Variants in NFIB observed in about 807,000 individuals in gnomAD.
NFIB encodes nuclear factor I B.
In NFIB, 11 loss-of-function variants were observed where a neutral mutation model predicts 61.5. The observed-to-expected ratio is 0.18, with a 90% confidence interval of 0.11 to 0.30. The LOEUF (loss-of-function observed/expected upper bound fraction) is 0.30, where lower values mean the gene tolerates loss of function less well. Ranked by LOEUF, NFIB falls within the 10% of genes least tolerant of loss-of-function variation. The probability of loss-of-function intolerance (pLI) is 1.00; values close to 1 mark genes in which losing one functional copy is unlikely to be tolerated. For missense variants in NFIB, 471 were observed against 608.9 expected (o/e 0.77, Z 2.38); for synonymous variants, 260 against 216.5 (o/e 1.20, Z -1.76).
At chr9:14,294,423 C>T (rs2059292173) in intron 2 of NFIB, among the ~76,000 whole-genome samples, 1 of 152,212 alleles carries the variant, frequency 6.6e-6, no homozygotes, top group Non-Finnish European at 1.5e-5. Context: ...GTAAGCAAAG[C>T]TTTTCAAATA....
the NFIB span, among the ~76,000 whole-genome samples, chr9:14,469,707 C>A: frequency 6.6e-6 from 1 of 152,106 alleles, no homozygotes; most frequent in Admixed American, 6.5e-5. Context: ...CATTAAATGA[C>A]AAGAACATAA....
chr9:14,530,799 T>C, the NFIB span, among the ~76,000 whole-genome samples: 3 of 151,870 alleles, frequency 2.0e-5, no homozygotes, highest in African/African-American at 7.3e-5. Context: ...CCCATTGTCT[T>C]CCACTGTACT....
chr9:14,398,339 A>C (rs12002494), intron 1 of NFIB, among the ~76,000 whole-genome samples: 128 of 152,316 alleles, frequency 8.4e-4, no homozygotes, highest in African/African-American at 2.9e-3. Flanking sequence ...ATTTCCAAAT[A>C]ATCCTTATGC....
intron 2 of NFIB, among the ~76,000 whole-genome samples, chr9:14,214,618 T>C (rs772539809): frequency 6.6e-6 from 1 of 152,226 alleles, no homozygotes; most frequent in Non-Finnish European, 1.5e-5. Flanking sequence ...GTATCATGCT[T>C]TTTACATAAC....
intron 1 of NFIB, among the ~76,000 whole-genome samples, chr9:14,370,852 T>G (rs1335088024): frequency 6.6e-6 from 1 of 152,230 alleles, no homozygotes; most frequent in African/African-American, 2.4e-5. Flanking sequence ...TCCAGCAGTT[T>G]GGGAGGCCGA....
rs1470448086 is a variant in NFIB at position 14,386,649 on chromosome 9, C to T, written c.108+11875G>A. Reference sequence around the variant, plus strand: ...CAGTGTTATTATTTCTGCTTTAAGCCAGTGGAATCTCTTTACTATATGCCA... The same window carrying T: ...CAGTGTTATTATTTCTGCTTTAAGCTAGTGGAATCTCTTTACTATATGCCA... On this transcript the variant is annotated intron_variant, in intron 1 of 8. Transcript: ENST00000380934. Among the ~76,000 whole-genome samples, 3 of 152,274 alleles carry T rather than the reference C, an allele frequency of 2.0e-5. No homozygotes were observed. The East Asian group carries it at 5.8e-4, about 29-fold the overall frequency.
chr9:14,294,083 T>G (rs2059270652), intron 2 of NFIB, among the ~76,000 whole-genome samples: 1 of 152,196 alleles, frequency 6.6e-6, no homozygotes, highest in African/African-American at 2.4e-5. Context: ...AAAAGCAGAT[T>G]AATTGTAGGC....
At chr9:14,434,697 G>A in the NFIB span, among the ~76,000 whole-genome samples, 1 of 152,180 alleles carries the variant, frequency 6.6e-6, no homozygotes. Context: ...AAACTGGAGT[G>A]TTCTATGCTA....
At chr9:14,496,516 A>C in the NFIB span, among the ~76,000 whole-genome samples, 1 of 152,214 alleles carries the variant, frequency 6.6e-6, no homozygotes, top group Non-Finnish European at 1.5e-5. Context: ...GGTTGCCTTC[A>C]GCAGAAGTGA....
chr9:14,401,725 C>G (rs1365987844), upstream of NFIB, among the ~76,000 whole-genome samples: 1 of 152,166 alleles, frequency 6.6e-6, no homozygotes, highest in Non-Finnish European at 1.5e-5. Flanking sequence ...GGCCTCCCAC[C>G]AGTGCCCATC....
intron 2 of NFIB, among the ~76,000 whole-genome samples, chr9:14,295,817 A>C (rs1250401652): frequency 1.3e-5 from 2 of 152,182 alleles, no homozygotes; most frequent in African/African-American, 4.8e-5. Context: ...ACTTGATAGG[A>C]CACCCTTTAC....
At chr9:14,259,622 C>G (rs994941771) in intron 2 of NFIB, among the ~76,000 whole-genome samples, 1 of 152,056 alleles carries the variant, frequency 6.6e-6, no homozygotes, top group Non-Finnish European at 1.5e-5. Flanking sequence ...TATTGGTGGC[C>G]GGGCGCAGTG....
At chr9:14,189,543 G>A (rs1452062562) in intron 2 of NFIB, among the ~76,000 whole-genome samples, 3 of 151,514 alleles carry the variant, frequency 2.0e-5, no homozygotes, top group African/African-American at 7.3e-5. Context: ...AAAAGGCTAT[G>A]AGATATATAT....
At chr9:14,183,638 G>GA (rs374573779) in intron 2 of NFIB, among the ~76,000 whole-genome samples, 115 of 151,994 alleles carry the variant, frequency 7.6e-4, no homozygotes, top group African/African-American at 2.7e-3. Flanking sequence ...CTCCTGGCCT[G>GA]AAGCGATCCG....
intron 3 of NFIB, among the ~76,000 whole-genome samples, chr9:14,170,515 G>C (rs900833569): frequency 6.6e-6 from 1 of 152,158 alleles, no homozygotes; most frequent in Non-Finnish European, 1.5e-5. Context: ...GGTGGCACAT[G>C]CCTGTTGTCC....
intron 2 of NFIB, among the ~76,000 whole-genome samples, chr9:14,206,664 C>T (rs2049761563): frequency 8.6e-6 from 1 of 115,984 alleles, no homozygotes; most frequent in African/African-American, 3.5e-5. Flanking sequence ...CTATCATATA[C>T]AGAGTTATGA....
In NFIB at chr9:14,084,043, T is replaced by C. The variant is rs1053175740; in HGVS notation, c.*4266A>G. ...ACTAAATACAACAAAATAACCTTCA[T>C]AAAATATAACTTTTCTCCATTTACA... On this transcript the variant is annotated 3_prime_UTR_variant, in exon 11 of 11. Coordinates refer to ENST00000380953, the MANE Select transcript of NFIB (RefSeq NM_001190737.2). 1.4e-5 allele frequency: 3 copies of C among 211,030 alleles called. No homozygotes were observed. The highest frequency in any genetic ancestry group is 4.5e-5 in the African/African-American group (2 of 44,042). The allele number at this position is 211,030 out of a possible 1,614,324, so 13.1% of individuals were successfully genotyped here.
chr9:14,208,419 T>G (rs993693882), intron 2 of NFIB, among the ~76,000 whole-genome samples: 4 of 152,210 alleles, frequency 2.6e-5, no homozygotes, highest in Admixed American at 1.3e-4. Context: ...CGTCTACTTG[T>G]GGCAAAACAA....
chr9:14,452,980 G>T, the NFIB span, among the ~76,000 whole-genome samples: 1 of 152,312 alleles, frequency 6.6e-6, no homozygotes. Context: ...TTTGGAATGT[G>T]ATTTGTCTTT....
Sources: gnomAD v4.1 joint callset for allele counts (sites outside exome capture counted in the v4.1 genomes callset) on GRCh38, gnomAD v4.1.1 for gene constraint, MANE v1.5 for transcripts, NCBI Gene and HGNC (gene_info 2026-07-23, HGNC 2026-07-21) for gene names.